Variants in PRELID2 observed in about 807,000 individuals in gnomAD.
PRELID2 encodes the protein PRELI domain containing 2.
Under a neutral mutation model 28.4 loss-of-function variants are expected in PRELID2, and 25 were observed. The observed-to-expected ratio is 0.88, with a 90% CI of 0.64 to 1.23. PRELID2 has a LOEUF of 1.23. Ranked by LOEUF, PRELID2 falls within the 50% of genes most tolerant of loss-of-function variation. The pLI is 0.00. For synonymous variants in PRELID2, 76 were observed against 71.6 expected (o/e 1.06, Z -0.31); for missense variants, 201 against 214.4 (o/e 0.94, Z 0.39).
the PRELID2 span, among the ~76,000 whole-genome samples, chr5:145,376,861 G>T: frequency 2.0e-5 from 3 of 151,774 alleles, no homozygotes; most frequent in South Asian, 2.1e-4. Flanking sequence ...TGGATTTTTT[G>T]AATGTTTTCT....
intron 1 of PRELID2, among the ~76,000 whole-genome samples, chr5:145,485,467 C>T (rs116595828): frequency 6.6e-6 from 1 of 152,226 alleles, no homozygotes; most frequent in Non-Finnish European, 1.5e-5. Context: ...AGAGCACATT[C>T]AGAATGAGTG....
chr5:145,317,705 T>C, the PRELID2 span, among the ~76,000 whole-genome samples: 1 of 152,284 alleles, frequency 6.6e-6, no homozygotes, highest in East Asian at 1.9e-4. Context: ...TCCAGCTCAC[T>C]CCAGAAAGTT....
intron 5 of PRELID2, among the ~76,000 whole-genome samples, chr5:145,794,301 GTACACTT>G (rs1163030448): frequency 1.3e-5 from 2 of 152,156 alleles, no homozygotes; most frequent in African/African-American, 4.8e-5. Context: ...CACCACCCTT[GTACACTT>G]AGAATGAGCT....
Position 145,758,151 on chromosome 5 carries a change from A to G in PRELID2, c.*2385T>C, listed in dbSNP as rs1004787817. ...TTAAACAATTCTGAATTGGTTGCCAATAAAAAACTAGGAGATTTTTTTTTT... is the reference window on the plus strand; with the variant it reads ...TTAAACAATTCTGAATTGGTTGCCAGTAAAAAACTAGGAGATTTTTTTTTT... On this transcript the variant is annotated 3_prime_UTR_variant, in exon 7 of 7. Coordinates refer to ENST00000683046, the MANE Select transcript of PRELID2 (RefSeq NM_205846.3). Among the ~76,000 whole-genome samples the G allele has an allele frequency of 2.0e-5, 3 of 152,128 alleles. No individual in the cohort carries two copies. The highest frequency in any genetic ancestry group is 4.4e-5 in the Non-Finnish European group (3 of 68,006).
chr5:145,731,153 T>C (rs1756334905), intron 1 of PRELID2, among the ~76,000 whole-genome samples: 2 of 152,254 alleles, frequency 1.3e-5, no homozygotes, highest in Admixed American at 6.5e-5. Context: ...TTGTTGCATG[T>C]GTACTAATGT....
At chr5:145,533,997 T>C (rs1372548889) in intron 1 of PRELID2, among the ~76,000 whole-genome samples, 1 of 152,152 alleles carries the variant, frequency 6.6e-6, no homozygotes, top group East Asian at 1.9e-4. Context: ...AATTGGTGGA[T>C]TATATGACTG....
At chr5:145,505,014 C>T (rs1752393872) in intron 1 of PRELID2, among the ~76,000 whole-genome samples, 1 of 152,110 alleles carries the variant, frequency 6.6e-6, no homozygotes, top group Non-Finnish European at 1.5e-5. Context: ...GCAAGCACAT[C>T]CTATTCTCCT....
the PRELID2 span, among the ~76,000 whole-genome samples, chr5:145,442,103 C>A: frequency 6.6e-6 from 1 of 152,052 alleles, no homozygotes; most frequent in East Asian, 1.9e-4. Context: ...TTAGCACCTA[C>A]TATATCCCAA....
chr5:145,667,143 C>T (rs921347953), intron 1 of PRELID2, among the ~76,000 whole-genome samples: 2 of 152,042 alleles, frequency 1.3e-5, no homozygotes, highest in Non-Finnish European at 2.9e-5. Flanking sequence ...CCTAGTCACT[C>T]ATGGCTAATC....
the PRELID2 span, among the ~76,000 whole-genome samples, chr5:145,445,894 C>T: frequency 1.3e-5 from 2 of 151,892 alleles, no homozygotes; most frequent in Non-Finnish European, 2.9e-5. Flanking sequence ...AGAAGGGGAA[C>T]TCTTCTACAC....
At chr5:145,749,693 A>AGCAAAGTCATGGAACCAACTCAAAT (rs1289787746) in intron 1 of PRELID2, among the ~76,000 whole-genome samples, 16 of 152,220 alleles carry the variant, frequency 1.1e-4, no homozygotes, top group African/African-American at 1.9e-4. Flanking sequence ...TGCTCACAAT[A>AGCAAAGTCATGGAACCAACTCAAAT]GCAAAGTCAT....
At chr5:145,516,101 C>T (rs915420209) in intron 1 of PRELID2, among the ~76,000 whole-genome samples, 3 of 152,188 alleles carry the variant, frequency 2.0e-5, no homozygotes, top group Non-Finnish European at 2.9e-5. Context: ...TGCCCTCTCT[C>T]ACCACTCCTA....
At chr5:145,514,385 A>G (rs1205526399) in intron 1 of PRELID2, among the ~76,000 whole-genome samples, 5 of 151,682 alleles carry the variant, frequency 3.3e-5, no homozygotes, top group African/African-American at 1.2e-4. Context: ...ACCAGCAAAG[A>G]TCAAAAAAGA....
At chr5:145,671,317 C>G (rs1022832389) in intron 1 of PRELID2, among the ~76,000 whole-genome samples, 11 of 152,136 alleles carry the variant, frequency 7.2e-5, no homozygotes, top group African/African-American at 2.4e-4. Flanking sequence ...TGCTCAGAAT[C>G]CCAACAAAAC....
the PRELID2 span, among the ~76,000 whole-genome samples, chr5:145,358,076 G>A: frequency 2.0e-5 from 3 of 152,112 alleles, no homozygotes; most frequent in African/African-American, 7.2e-5. Context: ...GGGTGTTCTG[G>A]TTCATGGGGC....
At chr5:145,326,951 G>A in the PRELID2 span, among the ~76,000 whole-genome samples, 1 of 151,340 alleles carries the variant, frequency 6.6e-6, no homozygotes, top group Non-Finnish European at 1.5e-5. Flanking sequence ...TGCAATATGA[G>A]TTGGGTCGTA....
the PRELID2 span, among the ~76,000 whole-genome samples, chr5:145,444,764 C>T: frequency 1.4e-4 from 22 of 151,992 alleles, no homozygotes; most frequent in South Asian, 2.9e-3. Context: ...ACTGAGTGCC[C>T]GTTCGTCCAC....
At chr5:145,469,219 A>T (rs113185688), downstream of PRELID2, among the ~76,000 whole-genome samples, 1,548 of 152,152 alleles carry the variant, frequency 0.01, 27 homozygotes, top group African/African-American at 0.035. Flanking sequence ...ATTCAATATA[A>T]CATTTTGTTA....
chr5:145,514,495 AAAGC>A (rs931349032), intron 1 of PRELID2, among the ~76,000 whole-genome samples: 17 of 152,312 alleles, frequency 1.1e-4, no homozygotes, highest in Admixed American at 1.0e-3. Flanking sequence ...CCAGATTGAT[AAAGC>A]AAGTTCATAA....
Sources: gnomAD v4.1 joint callset for allele counts (sites outside exome capture counted in the v4.1 genomes callset) on GRCh38, gnomAD v4.1.1 for gene constraint, MANE v1.5 for transcripts, NCBI Gene and HGNC (gene_info 2026-07-23, HGNC 2026-07-21) for gene names.